The following GMPPA variants were observed in gnomAD, a reference collection of about 807,000 sequenced individuals.
GMPPA encodes GDP-mannose pyrophosphorylase A.
A neutral mutation model predicts 58.6 loss-of-function variants in GMPPA; 46 were observed. That is an observed-to-expected ratio of 0.78 (90% confidence interval 0.62 to 1.00). The LOEUF (loss-of-function observed/expected upper bound fraction) is 1.00, where lower values mean the gene tolerates loss of function less well. Ranked by LOEUF, GMPPA falls within the 50% of genes least tolerant of loss-of-function variation. The pLI, the probability that GMPPA is intolerant of heterozygous loss-of-function variation, is 0.00. For synonymous variants in GMPPA, 211 were observed against 214.9 expected (o/e 0.98, Z 0.16); for missense variants, 468 against 556.4 (o/e 0.84, Z 1.60).
In GMPPA at chr2:219,502,408, C is replaced by T. The variant is rs373608260; in HGVS notation, c.456C>T (p.Tyr152=). The T allele has an allele frequency of 5.5e-5, 89 of 1,613,816 alleles. No individual in the cohort carries two copies. The highest frequency in any genetic ancestry group is 2.2e-4 in the South Asian group (20 of 91,070). ...TTANRTQSLN[Y]GCIVENPQTH... ...CTAACAGGACGCAATCCCTCAACTA[C>T]GGCTGCATCGTTGAGAATCCACAGA... The change falls in exon 6 of 13, where the codon TAC becomes TAT. Residue 152 remains tyrosine (Y), a synonymous_variant. Coordinates refer to ENST00000313597, the MANE Select transcript of GMPPA (RefSeq NM_013335.4). This position sits in a 1 kb window ranked among gnomAD's most constrained non-coding sequence, Gnocchi z 4.0.
At chr2:219,504,663 C>G (rs1300944454) in intron 7 of GMPPA, 1 of 203,920 alleles carries the variant, frequency 4.9e-6, no homozygotes, top group African/African-American at 2.3e-5. Flanking sequence ...CTGTTCCCTT[C>G]TAGGGATCCT....
chr2:219,503,481 C>T lies in GMPPA; in HGVS notation c.490-602C>T, dbSNP rs141645228. Among the ~76,000 whole-genome samples, 270 of 152,268 alleles carry T rather than the reference C, an allele frequency of 1.8e-3. 1 individual carries two copies. Among genetic ancestry groups the T allele is most frequent in the African/African-American group, 6.1e-3 (252 of 41,544 alleles). ...TTAATATAAAACATACATATAAACA[C>T]GCACACACACATGCATGTACACACC... On this transcript the variant is annotated intron_variant, in intron 6 of 12. Transcript: ENST00000313597.
In GMPPA at chr2:219,506,061, G is replaced by A. The variant is rs1694578358; in HGVS notation, c.982G>A (p.Ala328Thr). 1.3e-6 allele frequency: 2 copies of A among 1,585,824 alleles called. No individual in the cohort carries two copies. The highest frequency in any genetic ancestry group is 1.1e-5 in the South Asian group (1 of 88,890). The change falls in exon 11 of 13, where the codon GCC becomes ACC. Residue 328 changes from alanine (A) to threonine (T), a missense_variant. By Grantham distance (58) the Ala-to-Thr change is moderately conservative. Coordinates refer to ENST00000313597, the MANE Select transcript of GMPPA (RefSeq NM_013335.4). ...CCGGGAGAGCATCGTCCTCCATGGAGCCACTTTGCAGGTAGGTACCAGCAT... is the reference window on the plus strand; with the variant it reads ...CCGGGAGAGCATCGTCCTCCATGGAACCACTTTGCAGGTAGGTACCAGCAT... Reference protein sequence around the residue: ...RLRESIVLHGATLQEHTCVLH... With the variant: ...RLRESIVLHGTTLQEHTCVLH...
chr2:219,506,102 A>C lies in GMPPA; in HGVS notation c.993+30A>C, dbSNP rs749701763. On this transcript the variant is annotated intron_variant, in intron 11 of 12. Transcript: ENST00000313597. ...GTACCAGCATACACAGCAGCATGTGACACCCCAAGAGGCTGCGGGGAGGGC... is the reference window on the plus strand; with the variant it reads ...GTACCAGCATACACAGCAGCATGTGCCACCCCAAGAGGCTGCGGGGAGGGC... 8 of 1,510,398 alleles carry C rather than the reference A, an allele frequency of 5.3e-6. No homozygotes were observed. In the East Asian group the frequency reaches 1.6e-4, roughly 30 times the overall value. 93.6% of individuals were successfully genotyped at this position (1,510,398 alleles called of 1,614,324 possible). A position where few individuals can be genotyped will look rare whatever the true frequency, so the allele number is the denominator to read the frequency against.
At position 219,506,035 on chromosome 2, in the gene GMPPA, T is replaced by A. The variant is rs1415807276; in HGVS notation, c.956T>A (p.Leu319His). The A allele has an allele frequency of 1.7e-5, 27 of 1,595,632 alleles. No homozygotes were observed. Among genetic ancestry groups the A allele is most frequent in the Non-Finnish European group, 6.0e-6 (7 of 1,169,040 alleles). Residue 319 changes from leucine (L) to histidine (H), a missense_variant, in exon 11 of 13, where the codon CTC becomes CAC. Leu to His is a moderately conservative substitution (Grantham distance 99). Transcript: ENST00000313597. ...KGVTVGEGVR[L>H]RESIVLHGAT... Reference sequence around the variant, plus strand: ...GTGACCGTGGGTGAGGGTGTGCGGCTCCGGGAGAGCATCGTCCTCCATGGA... The same window carrying A: ...GTGACCGTGGGTGAGGGTGTGCGGCACCGGGAGAGCATCGTCCTCCATGGA...
intron 1 of GMPPA, 170 bp downstream of exon 1, chr2:219,499,108 G>T (rs1358979121): frequency 6.6e-6 from 1 of 152,226 alleles, no homozygotes; most frequent in Non-Finnish European, 1.5e-5. Flanking sequence ...GTCAGTTGTG[G>T]GGTTCAGAGG....
rs1242933204 is a variant in GMPPA at position 219,504,331 on chromosome 2, T to C, written c.620+118T>C. ...CACCTTCCTCCTCCCCTCTCCCTTC[T>C]CCACTTGCCATCTCCAGCAGAGCCT... On this transcript the variant is annotated intron_variant, in intron 7 of 12. Transcript: ENST00000313597. 4.3e-6 allele frequency: 4 copies of C among 926,508 alleles called. No homozygotes were observed. In the East Asian group the frequency reaches 1.0e-4, roughly 24 times the overall value. The allele number at this position is 926,508 out of a possible 1,614,324, so 57.4% of individuals were successfully genotyped here.
chr2:219,500,301 C>G, intron 3 of GMPPA, 83 bp downstream of exon 3: 1 of 788,960 alleles, frequency 1.3e-6, no homozygotes, highest in East Asian at 2.7e-5. Context: ...TGAACTCTTC[C>G]CACCAGGCAT....
intron 4 of GMPPA, 73 bp from the exon 5 acceptor site, chr2:219,501,778 C>G (rs567070877): frequency 2.2e-6 from 3 of 1,365,924 alleles, no homozygotes; most frequent in Non-Finnish European, 2.1e-6. Flanking sequence ...CAAGCGGTGG[C>G]GGTCAGGTGC....
At chr2:219,503,828 C>CT (rs1389797316) in intron 6 of GMPPA, among the ~76,000 whole-genome samples, 1 of 152,166 alleles carries the variant, frequency 6.6e-6, no homozygotes. Flanking sequence ...GGAAATGCGT[C>CT]TGAGAGGTAG....
intron 10 of GMPPA, 62 bp downstream of exon 10, chr2:219,505,823 A>G (rs1694567271): frequency 2.9e-6 from 4 of 1,364,362 alleles, no homozygotes; most frequent in Admixed American, 1.8e-5. Flanking sequence ...GAGGGTGCCC[A>G]CGCTGCCTGA....
chr2:219,504,559 C>G, intron 7 of GMPPA: 1 of 326,562 alleles, frequency 3.1e-6, no homozygotes, highest in South Asian at 4.1e-5. Context: ...CACACACAGA[C>G]AGACATGCAT....
Position 219,502,940 on chromosome 2 carries a change from TC to T in GMPPA, c.489+502del, listed in dbSNP as rs1238023904. ...AAGCCCCTTGACTTTCACATAACCC[TC>T]CCTCCTTTATTTATTTATGTATGTA... On this transcript the variant is annotated intron_variant, in intron 6 of 12. Coordinates refer to ENST00000313597, the MANE Select transcript of GMPPA (RefSeq NM_013335.4). This position sits in a 1 kb window ranked among gnomAD's most constrained non-coding sequence, Gnocchi z 4.0. Among the ~76,000 whole-genome samples, 1 of 152,246 alleles carries T rather than the reference TC, an allele frequency of 6.6e-6. No homozygotes were observed. Among genetic ancestry groups the T allele is most frequent in the Non-Finnish European group, 1.5e-5 (1 of 68,006 alleles).
chr2:219,501,793 G>T, intron 4 of GMPPA, 58 bp from the exon 5 acceptor site: 1 of 1,521,938 alleles, frequency 6.6e-7, no homozygotes. Context: ...AGGTGCCCTG[G>T]CTCATGGTAT....
rs747476158 is a variant in GMPPA at position 219,504,188 on chromosome 2, C to A, written c.595C>A (p.Gln199Lys). ...CTTGAAGCCTCTTCGGGATGTCTTC[C>A]AGCGTAATCAGCAGGATGGGCAATT... ...EALKPLRDVF[Q>K]RNQQDGQLED... Residue 199 changes from glutamine (Q) to lysine (K), a missense_variant, in exon 7 of 13, where the codon CAG (glutamine) becomes AAG (lysine). Physicochemically the swap from Gln to Lys is moderately conservative, Grantham distance 53. Coordinates refer to ENST00000313597, the MANE Select transcript of GMPPA (RefSeq NM_013335.4). 4.3e-6 allele frequency: 7 copies of A among 1,614,072 alleles called. No individual in the cohort carries two copies. The Admixed American group carries it at 1.2e-4, about 27-fold the overall frequency.
chr2:219,506,802 G>C lies in GMPPA; in HGVS notation c.*4G>C, dbSNP rs778605669. 1 of 1,436,334 alleles carries C rather than the reference G, an allele frequency of 7.0e-7. No individual in the cohort carries two copies. Among genetic ancestry groups the C allele is most frequent in the African/African-American group, 1.4e-5 (1 of 71,460 alleles). The allele number at this position is 1,436,334 out of a possible 1,614,324, so 89.0% of individuals were successfully genotyped here. A position where few individuals can be genotyped will look rare whatever the true frequency, so the allele number is the denominator to read the frequency against. On this transcript the variant is annotated 3_prime_UTR_variant, in exon 13 of 13. Coordinates refer to ENST00000313597, the MANE Select transcript of GMPPA (RefSeq NM_013335.4). ...CACCAACCAGATCATCCTCTGAGTAGGGCTGCCAGAAGGCCCCCAGCTCCT... is the reference window on the plus strand; with the variant it reads ...CACCAACCAGATCATCCTCTGAGTACGGCTGCCAGAAGGCCCCCAGCTCCT...
intron 3 of GMPPA, 129 bp from the exon 4 acceptor site, chr2:219,501,347 T>G: frequency 4.5e-6 from 3 of 668,712 alleles, no homozygotes; most frequent in Non-Finnish European, 2.7e-6. Context: ...TAGCCCAGAG[T>G]GGTGAGTGCC....
intron 3 of GMPPA, chr2:219,500,883 T>A (rs550810165): frequency 6.4e-6 from 1 of 156,364 alleles, no homozygotes; most frequent in African/African-American, 2.4e-5. Flanking sequence ...GCAAAGTCTT[T>A]CTTAGAGTGA....
Position 219,502,349 on chromosome 2 carries a change from C to CCCT in GMPPA, c.430-33_430-32insCCT. On this transcript the variant is annotated intron_variant, in intron 5 of 12. Transcript: ENST00000313597. This position sits in a 1 kb window ranked among gnomAD's most constrained non-coding sequence, Gnocchi z 4.0. Reference sequence around the variant, plus strand: ...ACAGACGTGGCTGCCCTGGAGCAGGCGGGTCACTGTCTCGGGTGTGTCTGT... The same window carrying CCCT: ...ACAGACGTGGCTGCCCTGGAGCAGGCCCTGGGTCACTGTCTCGGGTGTGTCTGT... 2.5e-6 allele frequency: 4 copies of CCCT among 1,593,822 alleles called. No homozygotes were observed. Among genetic ancestry groups the CCCT allele is most frequent in the Non-Finnish European group, 3.4e-6 (4 of 1,161,744 alleles).
Sources: allele counts gnomAD v4.1 joint callset (sites outside exome capture counted in the v4.1 genomes callset), GRCh38; gene constraint gnomAD v4.1.1; non-coding constraint Gnocchi (gnomAD v3.1); transcripts MANE v1.5; gene names NCBI Gene and HGNC (gene_info 2026-07-23, HGNC 2026-07-21).